The following LRRC4C variants were observed in gnomAD, a reference collection of about 807,000 sequenced individuals.
LRRC4C encodes leucine rich repeat containing 4C.
LRRC4C carries 5 observed loss-of-function variants against 33.6 expected under a neutral mutation model. The observed-to-expected ratio is 0.15, with a 90% CI of 0.08 to 0.31. LRRC4C has a LOEUF of 0.31. Among genes scored for constraint, LRRC4C ranks in the 10% least tolerant of loss-of-function variants. LRRC4C has a pLI of 1.00. For synonymous variants in LRRC4C, 329 were observed against 302.0 expected, an observed-to-expected ratio of 1.09 and a Z score of -0.93; for missense variants, 560 against 796.7, an observed-to-expected ratio of 0.70 and a Z score of 3.58.
intron 1 of LRRC4C, among the ~76,000 whole-genome samples, chr11:41,110,476 A>T (rs1287712104): frequency 6.6e-6 from 1 of 152,110 alleles, no homozygotes; most frequent in East Asian, 1.9e-4. Context: ...TCACTGAGAT[A>T]ATAAATATTA....
chr11:40,572,013 G>T (rs1958001006), intron 3 of LRRC4C, among the ~76,000 whole-genome samples: 1 of 152,088 alleles, frequency 6.6e-6, no homozygotes, highest in South Asian at 2.1e-4. Flanking sequence ...TTACCACAGG[G>T]TTTCCGTATT....
intron 3 of LRRC4C, among the ~76,000 whole-genome samples, chr11:40,517,207 T>C (rs1042615334): frequency 2.0e-5 from 3 of 152,196 alleles, no homozygotes; most frequent in Non-Finnish European, 2.9e-5. Context: ...AATATGCTAA[T>C]GTGTATGTGA....
chr11:41,345,991 G>A (rs1014388633), intron 1 of LRRC4C, among the ~76,000 whole-genome samples: 3 of 152,104 alleles, frequency 2.0e-5, no homozygotes, highest in African/African-American at 7.2e-5. Flanking sequence ...GAATTTGTAG[G>A]GGTGACAAAC....
At chr11:40,504,228 AAATG>A (rs1954921706) in intron 3 of LRRC4C, among the ~76,000 whole-genome samples, 1 of 152,176 alleles carries the variant, frequency 6.6e-6, no homozygotes, top group Admixed American at 6.5e-5. Context: ...ATTAATGGAT[AAATG>A]AATGAATGTA....
chr11:41,249,030 T>C (rs1308620125), intron 1 of LRRC4C, among the ~76,000 whole-genome samples: 1 of 150,570 alleles, frequency 6.6e-6, no homozygotes, highest in African/African-American at 2.5e-5. Context: ...TGGTTTAAGA[T>C]ACTGTCTTCT....
intron 3 of LRRC4C, among the ~76,000 whole-genome samples, chr11:40,393,744 T>A (rs1949429142): frequency 6.6e-6 from 1 of 152,150 alleles, no homozygotes; most frequent in Admixed American, 6.6e-5. Context: ...AATACTACAT[T>A]GTATCTGTCA....
chr11:41,154,385 T>A (rs1273702767), intron 1 of LRRC4C, among the ~76,000 whole-genome samples: 1 of 152,150 alleles, frequency 6.6e-6, no homozygotes, highest in Non-Finnish European at 1.5e-5. Flanking sequence ...CATTATGGCC[T>A]TTATCATTAT....
chr11:40,528,831 T>C (rs1305122355), intron 3 of LRRC4C, among the ~76,000 whole-genome samples: 2 of 152,208 alleles, frequency 1.3e-5, no homozygotes, highest in Non-Finnish European at 2.9e-5. Context: ...TCCTGCCATT[T>C]GGAACAGCAT....
intron 3 of LRRC4C, among the ~76,000 whole-genome samples, chr11:40,366,233 G>A (rs940158374): frequency 6.6e-5 from 10 of 152,056 alleles, no homozygotes; most frequent in African/African-American, 2.2e-4. Flanking sequence ...TTTCTACCTT[G>A]AGGAATTTAT....
intron 4 of LRRC4C, among the ~76,000 whole-genome samples, chr11:40,316,618 C>G (rs573597947): frequency 3.3e-4 from 50 of 152,062 alleles, no homozygotes; most frequent in Admixed American, 2.9e-3. Flanking sequence ...ATTTTCTGAT[C>G]TCTAGGCGTT....
intron 1 of LRRC4C, among the ~76,000 whole-genome samples, chr11:41,112,319 C>T (rs563477307): frequency 1.8e-4 from 27 of 152,124 alleles, no homozygotes; most frequent in African/African-American, 5.8e-4. Flanking sequence ...GCAGACACTT[C>T]GGCAGAAATT....
intron 2 of LRRC4C, among the ~76,000 whole-genome samples, chr11:40,762,353 A>G (rs1949257035): frequency 2.0e-5 from 3 of 152,184 alleles, no homozygotes; most frequent in Non-Finnish European, 4.4e-5. Flanking sequence ...TTAAGGTTTC[A>G]GATAGAATAA....
At chr11:41,133,729 C>A (rs1943128071) in intron 1 of LRRC4C, among the ~76,000 whole-genome samples, 1 of 152,104 alleles carries the variant, frequency 6.6e-6, no homozygotes, top group Non-Finnish European at 1.5e-5. Flanking sequence ...CCATGCAAAG[C>A]AAGAATTAGG....
chr11:41,192,446 TAC>T (rs932733770), intron 1 of LRRC4C, among the ~76,000 whole-genome samples: 33 of 150,452 alleles, frequency 2.2e-4, no homozygotes, highest in Admixed American at 4.6e-4. Flanking sequence ...TAGAAATGTA[TAC>T]ACACACACAC....
chr11:40,282,812 G>A lies in LRRC4C; in HGVS notation c.-176+36816C>T, dbSNP rs1274380566. On this transcript the variant is annotated intron_variant, in intron 4 of 6. Transcript: ENST00000528697. ...AGGAAATAACCTTCTGTAGCATGGA[G>A]TCAAATTATTATATCCATGAATGTA... Among the ~76,000 whole-genome samples the A allele has an allele frequency of 1.4e-4, 21 of 152,196 alleles. 1 individual carries two copies. Among genetic ancestry groups the A allele is most frequent in the South Asian group, 4.1e-4 (2 of 4,828 alleles).
intron 3 of LRRC4C, among the ~76,000 whole-genome samples, chr11:40,344,690 A>C (rs1044443923): frequency 6.6e-6 from 1 of 151,998 alleles, no homozygotes; most frequent in Non-Finnish European, 1.5e-5. Context: ...AATGCATTCA[A>C]GTAGGAAGAG....
At chr11:40,520,173 T>C (rs192083856) in intron 3 of LRRC4C, among the ~76,000 whole-genome samples, 1 of 152,334 alleles carries the variant, frequency 6.6e-6, no homozygotes, top group African/African-American at 2.4e-5. Flanking sequence ...ATCTGAAATA[T>C]CACTACTCAT....
chr11:41,267,589 C>T (rs534855814), intron 1 of LRRC4C, among the ~76,000 whole-genome samples: 15 of 152,246 alleles, frequency 9.9e-5, no homozygotes, highest in South Asian at 6.2e-4. Flanking sequence ...AACAGCTCTA[C>T]GCTTAGAATC....
chr11:40,427,473 C>T (rs1449434781), intron 3 of LRRC4C, among the ~76,000 whole-genome samples: 1 of 152,162 alleles, frequency 6.6e-6, no homozygotes, highest in Non-Finnish European at 1.5e-5. Context: ...CACCATTGCA[C>T]TCTGGCCTGG....
Sources: gnomAD v4.1 joint callset for allele counts (sites outside exome capture counted in the v4.1 genomes callset) on GRCh38, gnomAD v4.1.1 for gene constraint, MANE v1.5 for transcripts, NCBI Gene and HGNC (gene_info 2026-07-23, HGNC 2026-07-21) for gene names.